The following AK9 variants were observed in gnomAD, a reference collection of about 807,000 sequenced individuals.
AK9 encodes the protein adenylate kinase 9, also known as adenylate kinase domain containing 1.
Under a neutral mutation model 239.6 loss-of-function variants are expected in AK9, and 191 were observed. That is an observed-to-expected ratio of 0.80 (90% confidence interval 0.71 to 0.90). The LOEUF (loss-of-function observed/expected upper bound fraction) is 0.90. AK9 is among the 40% of genes least tolerant of loss of function. AK9 has a pLI of 0.00. For missense variants in AK9, 1,995 were observed against 2,214.7 expected, an observed-to-expected ratio of 0.90 and a Z score of 1.99; for synonymous variants, 689 against 721.0, an observed-to-expected ratio of 0.96 and a Z score of 0.71.
chr6:109,640,275 A>G (rs1404491075), intron 10 of AK9, among the ~76,000 whole-genome samples: 1 of 152,138 alleles, frequency 6.6e-6, no homozygotes, highest in Non-Finnish European at 1.5e-5. Flanking sequence ...GCTGTTTGCT[A>G]AGACAGTTGG....
chr6:109,504,877 C>T (rs1214695782), intron 35 of AK9, among the ~76,000 whole-genome samples: 2 of 152,184 alleles, frequency 1.3e-5, no homozygotes, highest in African/African-American at 4.8e-5. Flanking sequence ...AAAGTACTTT[C>T]TGATAAAACT....
In AK9 at chr6:109,614,754, G is replaced by T. The variant is rs1351183655; in HGVS notation, c.1400-274C>A. On this transcript the variant is annotated intron_variant, in intron 13 of 40. Transcript: ENST00000424296. ...TTGGAAAATGCTGGCACACAGGAAG[G>T]CTGTTCCATGTTAGCTGCCATCCTC... Among the ~76,000 whole-genome samples, 11 of 152,196 alleles carry T rather than the reference G, an allele frequency of 7.2e-5. No homozygotes were observed. The South Asian group carries it at 2.1e-3, about 29-fold the overall frequency.
chr6:109,649,271 G>A lies in AK9; in HGVS notation c.760-4583C>T, dbSNP rs570343796. Among the ~76,000 whole-genome samples, 1,211 of 151,930 alleles carry A rather than the reference G, an allele frequency of 8.0e-3. 29 individuals are homozygous for A. Among genetic ancestry groups the A allele is most frequent in the African/African-American group, 0.026 (1,072 of 41,394 alleles). On this transcript the variant is annotated intron_variant, in intron 8 of 40. Coordinates refer to ENST00000424296, the MANE Select transcript of AK9 (RefSeq NM_001145128.3). ...ATCAGGCAGGAGAAGGAAATAAAGGGTATTCAATTAGGAAAAGAGGAAGTC... is the reference window on the plus strand; with the variant it reads ...ATCAGGCAGGAGAAGGAAATAAAGGATATTCAATTAGGAAAAGAGGAAGTC...
At chr6:109,610,617 T>C (rs1324402045) in intron 16 of AK9, 104 bp from the exon 17 acceptor site, 29 of 1,221,114 alleles carry the variant, frequency 2.4e-5, no homozygotes, top group Non-Finnish European at 3.0e-5. Flanking sequence ...GAAAGTATTA[T>C]TTTCATGTCA....
intron 24 of AK9, among the ~76,000 whole-genome samples, chr6:109,558,941 GC>G (rs1431555832): frequency 6.6e-6 from 1 of 150,970 alleles, no homozygotes; most frequent in Non-Finnish European, 1.5e-5. Flanking sequence ...TTGGCTCACT[GC>G]CCAAGATCAA....
intron 1 of AK9, among the ~76,000 whole-genome samples, chr6:109,676,792 C>T (rs1158864112): frequency 6.6e-6 from 1 of 151,934 alleles, no homozygotes; most frequent in African/African-American, 2.4e-5. Context: ...CACACATGCA[C>T]ACATATGCTC....
At chr6:109,594,871 A>G (rs1409416697) in intron 17 of AK9, among the ~76,000 whole-genome samples, 2 of 152,254 alleles carry the variant, frequency 1.3e-5, no homozygotes, top group African/African-American at 4.8e-5. Context: ...AGATGAATTA[A>G]AGACTTAAAC....
chr6:109,609,890 A>C (rs1793362007), intron 17 of AK9, among the ~76,000 whole-genome samples: 1 of 152,126 alleles, frequency 6.6e-6, no homozygotes, highest in Admixed American at 6.5e-5. Flanking sequence ...ATAGCATTTG[A>C]GGATTTTTTT....
chr6:109,669,463 T>C (rs542315000), intron 5 of AK9, among the ~76,000 whole-genome samples: 5 of 152,196 alleles, frequency 3.3e-5, no homozygotes, highest in African/African-American at 1.2e-4. Context: ...CCCTGTCTTG[T>C]GCCAGTTTTC....
rs543938035 is a variant in AK9 at position 109,579,300 on chromosome 6, G to A, written c.2191+250C>T. 1.3e-3 allele frequency: 501 copies of A among 395,542 alleles called. 17 individuals are homozygous for A. The South Asian group carries it at 0.022, about 18-fold the overall frequency. 24.5% of individuals were successfully genotyped at this position (395,542 alleles called of 1,614,324 possible). A position where few individuals can be genotyped will look rare whatever the true frequency, so the allele number is the denominator to read the frequency against. On this transcript the variant is annotated intron_variant, in intron 20 of 40. Coordinates refer to ENST00000424296, the MANE Select transcript of AK9 (RefSeq NM_001145128.3). The stretch of plus-strand genomic sequence containing the variant: ...TGTATCACTTGCAGAGGGTGTATGA[G>A]TAGGTATCTCTGTCAAGAGTCATTT...
At chr6:109,631,210 G>A (rs909516093) in intron 12 of AK9, among the ~76,000 whole-genome samples, 1 of 151,798 alleles carries the variant, frequency 6.6e-6, no homozygotes, top group African/African-American at 2.4e-5. Context: ...TTGAAACAAA[G>A]AACTTCTGTT....
intron 40 of AK9, 121 bp from the exon 41 acceptor site, chr6:109,493,692 C>T: frequency 1.1e-6 from 1 of 909,688 alleles, no homozygotes; most frequent in Non-Finnish European, 1.6e-6. Context: ...TATCCAAATC[C>T]CAAATAAAAT....
rs1195130869 is a variant in AK9 at position 109,506,344 on chromosome 6, AG to A, written c.4831del (p.Leu1611TrpfsTer4). On this transcript the variant is annotated frameshift_variant, in exon 35 of 41. Transcript: ENST00000424296. LOFTEE classifies it high-confidence loss of function. ...QMVNKYMQTY[L>X]ERIKAGKAAC... ...TATCTTACCTGCTTTTATTCTTTCCAGGTATGTCTGCATGTATTTATTCACC... is the reference window on the plus strand; with the variant it reads ...TATCTTACCTGCTTTTATTCTTTCCAGTATGTCTGCATGTATTTATTCACC... The A allele has an allele frequency of 2.5e-6, 4 of 1,613,376 alleles. No individual in the cohort carries two copies. Among genetic ancestry groups the A allele is most frequent in the Non-Finnish European group, 3.4e-6 (4 of 1,179,872 alleles).
intron 27 of AK9, 127 bp from the exon 28 acceptor site, chr6:109,533,597 TCTTTA>T: frequency 1.6e-6 from 1 of 612,194 alleles, no homozygotes; most frequent in Non-Finnish European, 2.5e-6. Flanking sequence ...ATATATACAT[TCTTTA>T]CTTGTCAATG....
chr6:109,679,591 T>C (rs893265321), intron 1 of AK9, among the ~76,000 whole-genome samples: 1 of 152,156 alleles, frequency 6.6e-6, no homozygotes, highest in Non-Finnish European at 1.5e-5. Context: ...CCTAGCACAG[T>C]GCTTGAGCTC....
intron 12 of AK9, among the ~76,000 whole-genome samples, chr6:109,622,494 ATAT>A (rs57630072): frequency 3.1e-5 from 4 of 128,490 alleles, no homozygotes; most frequent in East Asian, 2.3e-4. Context: ...TATAGTGTTA[ATAT>A]TATATTACTA....
chr6:109,574,405 T>C (rs145049303), intron 20 of AK9, among the ~76,000 whole-genome samples: 71 of 152,058 alleles, frequency 4.7e-4, no homozygotes, highest in African/African-American at 1.7e-3. Flanking sequence ...AACCCAGAAC[T>C]AGTAGCCGGT....
intron 10 of AK9, among the ~76,000 whole-genome samples, chr6:109,638,029 G>T (rs779334906): frequency 1.3e-4 from 20 of 152,188 alleles, no homozygotes; most frequent in Admixed American, 2.6e-4. Context: ...CTGCCAGGTA[G>T]AAATGCTGCT....
At chr6:109,613,154 G>A (rs922276151) in intron 15 of AK9, among the ~76,000 whole-genome samples, 2 of 151,284 alleles carry the variant, frequency 1.3e-5, no homozygotes, top group African/African-American at 2.4e-5. Context: ...AAGCCTAAAA[G>A]TGAAGGAAGA....
Sources: gnomAD v4.1 joint callset for allele counts (sites outside exome capture counted in the v4.1 genomes callset) on GRCh38, gnomAD v4.1.1 for gene constraint, MANE v1.5 for transcripts, NCBI Gene and HGNC (gene_info 2026-07-23, HGNC 2026-07-21) for gene names.